The following GMDS variants were observed in gnomAD, a reference collection of about 807,000 sequenced individuals.
GMDS encodes the protein GDP-mannose 4,6-dehydratase, also known as GDP-mannose 4,6 dehydratase.
A neutral mutation model predicts 49.9 loss-of-function variants in GMDS; 20 were observed. The observed-to-expected ratio is 0.40, with a 90% confidence interval of 0.28 to 0.58. The LOEUF (loss-of-function observed/expected upper bound fraction) is 0.58. GMDS is among the 20% of genes least tolerant of loss of function. The pLI, the probability that GMDS is intolerant of heterozygous loss-of-function variation, is 0.42. For synonymous variants in GMDS, 177 were observed against 178.6 expected (o/e 0.99, Z 0.07); for missense variants, 362 against 481.4 (o/e 0.75, Z 2.32).
At chr6:1,842,364 A>G (rs1757185969) in intron 7 of GMDS, among the ~76,000 whole-genome samples, 1 of 151,956 alleles carries the variant, frequency 6.6e-6, no homozygotes, top group African/African-American at 2.4e-5. Context: ...GGCAATCCCA[A>G]CTCCTCTGAC....
intron 6 of GMDS, among the ~76,000 whole-genome samples, chr6:1,946,749 G>T (rs539465960): frequency 6.6e-6 from 1 of 152,272 alleles, no homozygotes; most frequent in South Asian, 2.1e-4. Context: ...AAAAGGAGGA[G>T]CGTGTGTCAG....
intron 7 of GMDS, among the ~76,000 whole-genome samples, chr6:1,856,425 A>G (rs1012083379): frequency 1.3e-5 from 2 of 152,196 alleles, no homozygotes; most frequent in Non-Finnish European, 2.9e-5. Context: ...CCCTGAAAAC[A>G]TTATTAGCTA....
chr6:1,970,428 G>A (rs138453584), intron 4 of GMDS, among the ~76,000 whole-genome samples: 242 of 150,834 alleles, frequency 1.6e-3, no homozygotes, highest in Non-Finnish European at 2.8e-3. Flanking sequence ...CCCCCGCCCC[G>A]CTCCAGAGCT....
At chr6:2,048,166 C>T (rs1486341637) in intron 4 of GMDS, among the ~76,000 whole-genome samples, 2 of 152,094 alleles carry the variant, frequency 1.3e-5, no homozygotes, top group African/African-American at 2.4e-5. Flanking sequence ...ACTGGTTAAG[C>T]TTTTTATGTC....
intron 9 of GMDS, among the ~76,000 whole-genome samples, chr6:1,626,760 GGGAAATGGAGCTTT>G (rs1218562938): frequency 1.3e-5 from 2 of 152,196 alleles, no homozygotes; most frequent in African/African-American, 4.8e-5. Context: ...TGGTAGGCTT[GGGAAATGGAGCTTT>G]GTATTGTAAT....
At chr6:1,974,565 G>C (rs1764789942) in intron 4 of GMDS, among the ~76,000 whole-genome samples, 2 of 152,288 alleles carry the variant, frequency 1.3e-5, no homozygotes, top group South Asian at 4.1e-4. Context: ...ACTGATGTTT[G>C]AGACAGGCAG....
intron 7 of GMDS, among the ~76,000 whole-genome samples, chr6:1,813,267 A>T (rs1337931832): frequency 2.6e-5 from 4 of 151,470 alleles, no homozygotes; most frequent in Non-Finnish European, 5.9e-5. Flanking sequence ...AAAAAAATTG[A>T]AATAAAATTA....
At chr6:1,938,872 A>G (rs2127256764) in intron 6 of GMDS, among the ~76,000 whole-genome samples, 1 of 151,684 alleles carries the variant, frequency 6.6e-6, no homozygotes, top group South Asian at 2.1e-4. Context: ...TAATTTCCGT[A>G]TAGCCATCTA....
chr6:1,681,481 G>A (rs1764789304), intron 9 of GMDS, among the ~76,000 whole-genome samples: 1 of 152,200 alleles, frequency 6.6e-6, no homozygotes, highest in Admixed American at 6.5e-5. Flanking sequence ...TGCCATTCAG[G>A]ACAAGATGGA....
intron 7 of GMDS, among the ~76,000 whole-genome samples, chr6:1,805,966 A>G (rs1770159593): frequency 6.6e-6 from 1 of 152,160 alleles, no homozygotes; most frequent in Non-Finnish European, 1.5e-5. Flanking sequence ...GATATATGTA[A>G]TTGTGGTAAG....
chr6:2,177,716 G>A (rs936957916), intron 1 of GMDS, among the ~76,000 whole-genome samples: 33 of 152,284 alleles, frequency 2.2e-4, no homozygotes, highest in African/African-American at 7.7e-4. Context: ...AACCATGTAT[G>A]ATCAGATGAC....
At chr6:1,853,568 G>GTC (rs949787005) in intron 7 of GMDS, among the ~76,000 whole-genome samples, 4 of 120,148 alleles carry the variant, frequency 3.3e-5, no homozygotes, top group African/African-American at 1.2e-4. Context: ...ACTCATATGA[G>GTC]TGTGTGTGTG....
At chr6:1,652,492 TATTATTTA>T in intron 9 of GMDS, among the ~76,000 whole-genome samples, 1 of 9,188 alleles carries the variant, frequency 1.1e-4, no homozygotes, top group African/African-American at 4.5e-4. Context: ...ATATAATATA[TATTATTTA>T]TATAATATAT....
intron 4 of GMDS, among the ~76,000 whole-genome samples, chr6:1,968,425 G>A (rs1158883693): frequency 2.0e-5 from 3 of 152,324 alleles, no homozygotes; most frequent in South Asian, 4.1e-4. Flanking sequence ...AGCACAGCAA[G>A]TAACATTCCA....
intron 4 of GMDS, among the ~76,000 whole-genome samples, chr6:2,097,311 T>C (rs1773662225): frequency 6.6e-6 from 1 of 152,140 alleles, no homozygotes; most frequent in African/African-American, 2.4e-5. Flanking sequence ...CAGATGGCTC[T>C]AGTCAAAGCC....
chr6:1,851,220 AACT>A, intron 7 of GMDS, among the ~76,000 whole-genome samples: 1 of 152,216 alleles, frequency 6.6e-6, no homozygotes, highest in Non-Finnish European at 1.5e-5. Flanking sequence ...ACATTTAGAA[AACT>A]TGTATGTTTG....
At chr6:1,949,476 G>A (rs1292300876) in intron 6 of GMDS, among the ~76,000 whole-genome samples, 1 of 152,176 alleles carries the variant, frequency 6.6e-6, no homozygotes, top group East Asian at 1.9e-4. Context: ...ACAACCCCTT[G>A]AATTCAATTT....
At chr6:1,959,522 T>A (rs541642360) in intron 6 of GMDS, among the ~76,000 whole-genome samples, 88 of 152,282 alleles carry the variant, frequency 5.8e-4, no homozygotes, top group Middle Eastern at 3.4e-3. Context: ...ATAGGAGTAA[T>A]TTCTAAAAAC....
chr6:2,003,994 G>A (rs979657229), intron 4 of GMDS, among the ~76,000 whole-genome samples: 1 of 152,160 alleles, frequency 6.6e-6, no homozygotes, highest in East Asian at 1.9e-4. Flanking sequence ...ATAGCATCCT[G>A]AACTATATGC....
Sources: gnomAD v4.1 joint callset for allele counts (sites outside exome capture counted in the v4.1 genomes callset) on GRCh38, gnomAD v4.1.1 for gene constraint, MANE v1.5 for transcripts, NCBI Gene and HGNC (gene_info 2026-07-23, HGNC 2026-07-21) for gene names.